The following MGST1 variants were observed in gnomAD, a reference collection of about 807,000 sequenced individuals.
The protein encoded by MGST1 is microsomal glutathione S-transferase 1, also known as glutathione S-transferase 12.
Under a neutral mutation model 8.9 loss-of-function variants are expected in MGST1, and 5 were observed. The observed-to-expected ratio is 0.56, with a 90% CI of 0.29 to 1.19. MGST1 has a LOEUF of 1.19. Among genes scored for constraint, MGST1 ranks in the 50% most tolerant of loss-of-function variants. The pLI, the probability that MGST1 is intolerant of heterozygous loss-of-function variation, is 0.08. For missense variants in MGST1, 182 were observed against 187.4 expected (o/e 0.97, Z 0.17); for synonymous variants, 54 against 67.8 (o/e 0.80, Z 1.00).
At chr12:16,470,311 T>C (rs897820043) in intron 4 of MGST1, among the ~76,000 whole-genome samples, 9 of 152,238 alleles carry the variant, frequency 5.9e-5, no homozygotes, top group Admixed American at 3.9e-4. Flanking sequence ...GGTTTATTTT[T>C]GATCAGGGTT....
Position 16,576,069 on chromosome 12 carries a change from A to G in MGST1, n.483-13459A>G, listed in dbSNP as rs537293000. On this transcript the variant is annotated intron_variant and non_coding_transcript_variant, in intron 4 of 4. Coordinates refer to the MGST1 transcript ENST00000538857. The surrounding 1 kb of genome is among the most constrained non-coding windows in gnomAD (Gnocchi z 4.1). ...CTGTCCTCTTTTGTCTCAGTAAGCT[A>G]CTTCTAGCGCGCATCGCTTCTCCCT... 6.3e-4 allele frequency among the ~76,000 whole-genome samples: 96 copies of G among 152,126 alleles called. No homozygotes were observed. The highest frequency in any genetic ancestry group is 1.7e-3 in the South Asian group (8 of 4,820).
At chr12:16,564,158 C>A (rs751073819) in intron 4 of MGST1, among the ~76,000 whole-genome samples, 2 of 152,084 alleles carry the variant, frequency 1.3e-5, no homozygotes, top group Non-Finnish European at 2.9e-5. Context: ...TATCTAAAAA[C>A]AGACATGAAT....
chr12:16,373,073 G>T (rs1940324154), intron 3 of MGST1, among the ~76,000 whole-genome samples: 1 of 138,354 alleles, frequency 7.2e-6, no homozygotes, highest in African/African-American at 2.6e-5. Context: ...ATATTATTTG[G>T]CCATAAAAAA....
chr12:16,399,612 T>G (rs1391550781), intron 1 of MGST1: 45 of 1,608,906 alleles, frequency 2.8e-5, no homozygotes, highest in Middle Eastern at 1.7e-4. Flanking sequence ...AATTTCAGAC[T>G]CTGAATCCCC....
chr12:16,401,617 C>G lies in MGST1; in HGVS notation n.778+18013C>G. On this transcript the variant is annotated intron_variant and non_coding_transcript_variant, in intron 1 of 1. Coordinates refer to the MGST1 transcript ENST00000359720. The surrounding 1 kb of genome is among the most constrained non-coding windows in gnomAD (Gnocchi z 4.3). Reference sequence around the variant, plus strand: ...ATACCCATGGCACAAGTGATAGCCCCAAAATACATGTGATTCTTGTCACTC... The same window carrying G: ...ATACCCATGGCACAAGTGATAGCCCGAAAATACATGTGATTCTTGTCACTC... 6.4e-7 allele frequency: 1 copy of G among 1,566,866 alleles called. No homozygotes were observed. The highest frequency in any genetic ancestry group is 1.1e-5 in the South Asian group (1 of 90,022).
At chr12:16,429,098 G>A (rs947652809) in intron 1 of MGST1, among the ~76,000 whole-genome samples, 7 of 151,764 alleles carry the variant, frequency 4.6e-5, no homozygotes, top group African/African-American at 1.2e-4. Flanking sequence ...TTTGAACATC[G>A]TTAAATTCCA....
rs1303434548 is a variant in MGST1 at position 16,363,801 on chromosome 12, C to T, written c.228C>T (p.His76=). Residue 76 remains histidine, a synonymous_variant, in exon 4 of 4, where the codon CAC becomes CAT. Transcript: ENST00000396210. The surrounding 1 kb of genome is among the most constrained non-coding windows in gnomAD (Gnocchi z 4.6). ...TAGTTATCTTTTTCCACAGAGCCCA[C>T]CTGAATGACCTTGAAAATATTATTC... The part of the protein sequence containing the change: ...DDRVERVRRA[H]LNDLENIIPF... 6.2e-7 allele frequency: 1 copy of T among 1,601,014 alleles called. No individual in the cohort carries two copies. The highest frequency in any genetic ancestry group is 1.1e-5 in the South Asian group (1 of 90,306).
At chr12:16,454,724 A>G (rs1223366513) in intron 4 of MGST1, among the ~76,000 whole-genome samples, 1 of 151,846 alleles carries the variant, frequency 6.6e-6, no homozygotes, top group Non-Finnish European at 1.5e-5. Flanking sequence ...TTTTAGGCAT[A>G]ATATTTCTAC....
chr12:16,498,349 G>A (rs979875676), intron 4 of MGST1, among the ~76,000 whole-genome samples: 5 of 152,092 alleles, frequency 3.3e-5, no homozygotes, highest in African/African-American at 9.7e-5. Context: ...AGTTACCCAG[G>A]ACGCTGTATT....
At position 16,478,706 on chromosome 12, in the gene MGST1, A is replaced by G. The variant is rs200888526; in HGVS notation, n.482+95102A>G. ...AATTACAATATTAAAAAATGTATAG[A>G]TTGGACCACATGACATTTATTTTGT... On this transcript the variant is annotated intron_variant and non_coding_transcript_variant, in intron 4 of 4. Transcript: ENST00000538857. Among the ~76,000 whole-genome samples the G allele has an allele frequency of 1.8e-4, 28 of 152,254 alleles. No homozygotes were observed. In the East Asian group the frequency reaches 3.9e-3, roughly 21 times the overall value.
chr12:16,569,415 C>A (rs927353594), intron 4 of MGST1, among the ~76,000 whole-genome samples: 33 of 152,128 alleles, frequency 2.2e-4, no homozygotes, highest in African/African-American at 8.0e-4. Context: ...TCTTTCTACA[C>A]CTGACTCTTA....
intron 4 of MGST1, among the ~76,000 whole-genome samples, chr12:16,523,292 A>AT (rs1246736638): frequency 1.3e-5 from 2 of 152,006 alleles, no homozygotes; most frequent in African/African-American, 4.8e-5. Context: ...AACTAGTTGG[A>AT]TTTTTTTGAG....
At chr12:16,549,434 T>C (rs1383565049) in intron 4 of MGST1, 1 of 152,486 alleles carries the variant, frequency 6.6e-6, no homozygotes, top group Non-Finnish European at 1.5e-5. Context: ...AGAGGCAATA[T>C]CCAGATTCAC....
At chr12:16,427,796 T>C (rs192915842) in intron 1 of MGST1, among the ~76,000 whole-genome samples, 2 of 152,352 alleles carry the variant, frequency 1.3e-5, no homozygotes, top group East Asian at 3.8e-4. Flanking sequence ...TAATTTTACA[T>C]TTTAAAAAAC....
chr12:16,569,296 T>C (rs760547475), intron 4 of MGST1, among the ~76,000 whole-genome samples: 1 of 152,178 alleles, frequency 6.6e-6, no homozygotes, highest in Non-Finnish European at 1.5e-5. Context: ...ACTATACTTC[T>C]TTGTTTTTCC....
At position 16,513,493 on chromosome 12, in the gene MGST1, C is replaced by G. The variant is rs966700017; in HGVS notation, n.483-76035C>G. The G allele has an allele frequency of 2.7e-4, 125 of 464,514 alleles. No individual in the cohort carries two copies. Among genetic ancestry groups the G allele is most frequent in the Non-Finnish European group, 9.2e-5 (21 of 228,444 alleles). The allele number at this position is 464,514 out of a possible 1,614,324, so 28.8% of individuals were successfully genotyped here. A position where few individuals can be genotyped will look rare whatever the true frequency, so the allele number is the denominator to read the frequency against. ...TGCCAGAGCCAGCTCCTGGTGGACC[C>G]ATGTGGAGATGGGACCACCAGATCC... On this transcript the variant is annotated intron_variant and non_coding_transcript_variant, in intron 4 of 4. Coordinates refer to the MGST1 transcript ENST00000538857. The surrounding 1 kb of genome is among the most constrained non-coding windows in gnomAD (Gnocchi z 4.2).
intron 1 of MGST1, among the ~76,000 whole-genome samples, chr12:16,386,460 T>G (rs1212228973): frequency 6.6e-6 from 1 of 152,198 alleles, no homozygotes. Context: ...CAGGATTATC[T>G]CTATAGAGGT....
At chr12:16,572,085 A>G (rs867232596) in intron 4 of MGST1, among the ~76,000 whole-genome samples, 5 of 152,094 alleles carry the variant, frequency 3.3e-5, no homozygotes, top group African/African-American at 1.2e-4. Context: ...AAGAGATTCA[A>G]AAAGACAAAA....
rs1321212077 is a variant in MGST1 at position 16,503,890 on chromosome 12, G to C, written n.483-85638G>C. On this transcript the variant is annotated intron_variant and non_coding_transcript_variant, in intron 4 of 4. Transcript: ENST00000538857. This position sits in a 1 kb window ranked among gnomAD's most constrained non-coding sequence, Gnocchi z 4.8. ...ATAACTACCTCAGAGCTGCCACTCTGGGCACATTGCCTATGGGGTAGCCCT... is the reference window on the plus strand; with the variant it reads ...ATAACTACCTCAGAGCTGCCACTCTCGGCACATTGCCTATGGGGTAGCCCT... Among the ~76,000 whole-genome samples the C allele has an allele frequency of 6.6e-6, 1 of 152,170 alleles. No homozygotes were observed. Among genetic ancestry groups the C allele is most frequent in the Admixed American group, 6.5e-5 (1 of 15,274 alleles).
Sources: allele counts gnomAD v4.1 joint callset (sites outside exome capture counted in the v4.1 genomes callset), GRCh38; gene constraint gnomAD v4.1.1; non-coding constraint Gnocchi (gnomAD v3.1); transcripts MANE v1.5; gene names NCBI Gene and HGNC (gene_info 2026-07-23, HGNC 2026-07-21).